DOT1L: variants seen among roughly 807,000 people sequenced by gnomAD.
DOT1L encodes the protein histone-lysine N-methyltransferase, H3 lysine-79 specific.
Under a neutral mutation model 153.3 loss-of-function variants are expected in DOT1L, and 33 were observed. That is an observed-to-expected ratio of 0.22 (90% CI 0.16 to 0.29). The LOEUF is 0.29. DOT1L is among the 10% of genes least tolerant of loss of function. The probability of loss-of-function intolerance (pLI) is 1.00; values close to 1 mark genes in which losing one functional copy is unlikely to be tolerated. For synonymous variants in DOT1L, 1,135 were observed against 965.1 expected (o/e 1.18, Z -3.26); for missense variants, 1,847 against 2,119.9 (o/e 0.87, Z 2.53).
chr19:2,226,383 C>T lies in DOT1L; in HGVS notation c.3862C>T (p.Leu1288=), dbSNP rs1239609244. ...ALEEPSADAK[L]AAHPRKGFPG... ...GGAGGAGCCCTCTGCCGATGCCAAG[C>T]TGGCCGCTCACCCCAGGAAAGGCTT... Residue 1288 remains leucine, a synonymous_variant, in exon 27 of 28, where the codon CTG becomes TTG. Coordinates refer to ENST00000398665, the MANE Select transcript of DOT1L (RefSeq NM_032482.3). The T allele has an allele frequency of 3.1e-6, 5 of 1,593,162 alleles. No homozygotes were observed. In the Admixed American group the frequency reaches 5.1e-5, roughly 16 times the overall value.
At position 2,164,189 on chromosome 19, in the gene DOT1L, G is replaced by T; in HGVS notation, c.5G>T (p.Gly2Val). 1 of 1,257,318 alleles carries T rather than the reference G, an allele frequency of 8.0e-7. No individual in the cohort carries two copies. 77.9% of individuals were successfully genotyped at this position (1,257,318 alleles called of 1,614,324 possible). M[G>V]EKLELRLKSP... ...GCGGCGGCCGCGCGCGCGGACATGG[G>T]GGAGAAGCTGGAGCTGAGACTGAAG... Residue 2 changes from glycine to valine, a missense_variant, in exon 1 of 28, where the codon GGG becomes GTG. Physicochemically the swap from Gly to Val is moderately radical, Grantham distance 109. Coordinates refer to ENST00000398665, the MANE Select transcript of DOT1L (RefSeq NM_032482.3).
chr19:2,215,863 G>A (rs1165455830), intron 19 of DOT1L: 1 of 162,236 alleles, frequency 6.2e-6, no homozygotes, highest in African/African-American at 2.4e-5. Flanking sequence ...TTAAAAGAAA[G>A]GAAAGCAGGT....
rs2144913139 is a variant in DOT1L, at chr19:2,223,449, G to A, written c.3559G>A (p.Glu1187Lys). The A allele has an allele frequency of 2.5e-6, 4 of 1,612,956 alleles. No homozygotes were observed. Among genetic ancestry groups the A allele is most frequent in the South Asian group, 1.1e-5 (1 of 91,066 alleles). Residue 1187 changes from glutamate to lysine, a missense_variant, in exon 25 of 28, where the codon GAG (glutamate) becomes AAG (lysine). This residue lies in a region of DOT1L where 934 missense variants were observed against 825.3 expected (regional missense o/e 1.13). Coordinates refer to ENST00000398665, the MANE Select transcript of DOT1L (RefSeq NM_032482.3). ...GAHYSPLTSDEEPGSEDEPSS... is the reference protein window; with the variant it reads ...GAHYSPLTSDKEPGSEDEPSS... Reference sequence around the variant, plus strand: ...ACACTACTCCCCACTCACCTCAGACGAGGAGCCAGGCTCTGAGGACGAGCC... The same window carrying A: ...ACACTACTCCCCACTCACCTCAGACAAGGAGCCAGGCTCTGAGGACGAGCC...
At position 2,167,023 on chromosome 19, in the gene DOT1L, A is replaced by G. The variant is rs115147517; in HGVS notation, c.81+2758A>G. On this transcript the variant is annotated intron_variant, in intron 1 of 27. Transcript: ENST00000398665. ...CAAATCCGTGTTGCTGCAGGTTTCA[A>G]AAGTTACCCCATTTTTTTGCTGACT... 2.1e-3 allele frequency among the ~76,000 whole-genome samples: 322 copies of G among 152,246 alleles called. 3 individuals carry two copies. Among genetic ancestry groups the G allele is most frequent in the African/African-American group, 7.4e-3 (308 of 41,552 alleles).
intron 12 of DOT1L, among the ~76,000 whole-genome samples, chr19:2,210,125 C>T (rs2023655726): frequency 6.6e-6 from 1 of 152,184 alleles, no homozygotes; most frequent in African/African-American, 2.4e-5. Flanking sequence ...TTCTCTGTGG[C>T]TCACAGTCTG....
chr19:2,199,098 GA>G (rs1359348202), intron 7 of DOT1L, among the ~76,000 whole-genome samples: 1 of 152,224 alleles, frequency 6.6e-6, no homozygotes, highest in Non-Finnish European at 1.5e-5. Flanking sequence ...TGAAGGATTT[GA>G]AAGGCGGTGT....
intron 1 of DOT1L, among the ~76,000 whole-genome samples, chr19:2,168,927 C>G (rs2020026472): frequency 6.6e-6 from 1 of 152,132 alleles, no homozygotes; most frequent in East Asian, 1.9e-4. Context: ...CGTGGTATTT[C>G]TAGGGCAGGA....
At chr19:2,187,026 G>C (rs1050585114) in intron 3 of DOT1L, among the ~76,000 whole-genome samples, 16 of 152,234 alleles carry the variant, frequency 1.1e-4, no homozygotes, top group African/African-American at 3.6e-4. Context: ...TGTGCTTTCG[G>C]GTTTTCACGG....
At chr19:2,185,768 CAAAACAAAAACA>C (rs543274400) in intron 2 of DOT1L, 75 bp from the exon 3 acceptor site, 31 of 1,490,378 alleles carry the variant, frequency 2.1e-5, no homozygotes, top group East Asian at 1.1e-4. Context: ...GACTCCGTCT[CAAAACAAAAACA>C]AAAACAAAAA....
At chr19:2,205,647 G>A (rs2023462530) in intron 9 of DOT1L, among the ~76,000 whole-genome samples, 1 of 152,130 alleles carries the variant, frequency 6.6e-6, no homozygotes, top group African/African-American at 2.4e-5. Flanking sequence ...GTTCCTGCTT[G>A]TGTACGGCTT....
At chr19:2,174,665 G>A (rs564084097) in intron 1 of DOT1L, among the ~76,000 whole-genome samples, 8 of 152,102 alleles carry the variant, frequency 5.3e-5, no homozygotes, top group African/African-American at 1.9e-4. Flanking sequence ...GTTCACCCAG[G>A]CTGGAGTGCA....
intron 22 of DOT1L, 143 bp from the exon 23 acceptor site, chr19:2,219,965 G>T: frequency 1.5e-6 from 1 of 681,682 alleles, no homozygotes; most frequent in Non-Finnish European, 2.4e-6. Context: ...TTCCCCCGCT[G>T]CCCTCTTCCC....
chr19:2,222,169 C>G lies in DOT1L; in HGVS notation c.3000C>G (p.Ala1000=). ...CACAGCCCCGGAACTCGCTTCCTGC[C>G]TCTCCCGCCCACCAGCTCTCCTCCA... ...LLAQPRNSLP[A]SPAHQLSSSP... The change falls in exon 24 of 28, where the codon GCC becomes GCG. Residue 1000 remains alanine (A), a synonymous_variant. Transcript: ENST00000398665. This position sits in a 1 kb window ranked among gnomAD's most constrained non-coding sequence, Gnocchi z 6.5. 1.9e-6 allele frequency: 3 copies of G among 1,613,134 alleles called. No individual in the cohort carries two copies. The highest frequency in any genetic ancestry group is 2.5e-6 in the Non-Finnish European group (3 of 1,179,864).
chr19:2,226,742 C>G lies in DOT1L; in HGVS notation c.4221C>G (p.Ser1407Arg). ...CGPTDKTPLL[S>R]GKAAKARDRE... ...CCACGGACAAGACCCCACTGCTGAGCGGCAAGGCCGCCAAGGCCCGGGACC... is the reference window on the plus strand; with the variant it reads ...CCACGGACAAGACCCCACTGCTGAGGGGCAAGGCCGCCAAGGCCCGGGACC... The change falls in exon 27 of 28, where the codon AGC becomes AGG. Residue 1407 changes from serine to arginine, a missense_variant. This residue lies in a region of DOT1L where 934 missense variants were observed against 825.3 expected (regional missense o/e 1.13). Coordinates refer to ENST00000398665, the MANE Select transcript of DOT1L (RefSeq NM_032482.3). The G allele has an allele frequency of 2.6e-6, 4 of 1,556,550 alleles. No individual in the cohort carries two copies. Among genetic ancestry groups the G allele is most frequent in the Non-Finnish European group, 2.6e-6 (3 of 1,157,804 alleles).
In DOT1L at chr19:2,217,105, C is replaced by G; in HGVS notation, c.2544+15C>G. On this transcript the variant is annotated intron_variant, in intron 21 of 27. Transcript: ENST00000398665. This position sits in a 1 kb window ranked among gnomAD's most constrained non-coding sequence, Gnocchi z 7.3. Reference sequence around the variant, plus strand: ...GCAGTGAGAAGGTGCGGGCCGCGACCCCTGCCCCGGGCTCAGGGAGGTGCT... The same window carrying G: ...GCAGTGAGAAGGTGCGGGCCGCGACGCCTGCCCCGGGCTCAGGGAGGTGCT... The G allele has an allele frequency of 6.3e-7, 1 of 1,576,774 alleles. No homozygotes were observed. The highest frequency in any genetic ancestry group is 2.3e-5 in the East Asian group (1 of 44,152).
At chr19:2,174,994 G>GTGTA (rs764261033) in intron 1 of DOT1L, among the ~76,000 whole-genome samples, 146 of 80,502 alleles carry the variant, frequency 1.8e-3, no homozygotes, top group Non-Finnish European at 2.3e-3. Context: ...GTGTGTGTGT[G>GTGTA]TATATATATA....
chr19:2,213,222 T>C, intron 16 of DOT1L: 1 of 274,644 alleles, frequency 3.6e-6, no homozygotes, highest in South Asian at 5.1e-5. Context: ...CATCCCCTGG[T>C]ATTGCCTTGG....
Position 2,186,921 on chromosome 19 carries a change from C to T in DOT1L, c.200+992C>T, listed in dbSNP as rs576233853. Among the ~76,000 whole-genome samples the T allele has an allele frequency of 4.4e-4, 67 of 152,312 alleles. 1 individual carries two copies. The highest frequency in any genetic ancestry group is 1.4e-3 in the African/African-American group (60 of 41,572). On this transcript the variant is annotated intron_variant, in intron 3 of 27. Transcript: ENST00000398665. The stretch of plus-strand genomic sequence containing the variant: ...GTGATGCAGCGTGCAGATCAACAGC[C>T]GCATGGCAGGGTCCACAGGGAGGGG...
chr19:2,217,161 A>G lies in DOT1L; in HGVS notation c.2544+71A>G, dbSNP rs147472663. 36 of 1,485,760 alleles carry G rather than the reference A, an allele frequency of 2.4e-5. No homozygotes were observed. In the East Asian group the frequency reaches 7.6e-4, roughly 31 times the overall value. The allele number at this position is 1,485,760 out of a possible 1,614,324, so 92.0% of individuals were successfully genotyped here. On this transcript the variant is annotated intron_variant, in intron 21 of 27. Transcript: ENST00000398665. This position sits in a 1 kb window ranked among gnomAD's most constrained non-coding sequence, Gnocchi z 7.3. ...GAGGCGGCCTGAGCGAGTTGCTAGC[A>G]GGAGGGCTTGTCCTAGTTGACCTTG...
Sources: allele counts gnomAD v4.1 joint callset (sites outside exome capture counted in the v4.1 genomes callset), GRCh38; gene constraint gnomAD v4.1.1; regional missense constraint gnomAD v4.1.1; non-coding constraint Gnocchi (gnomAD v3.1); transcripts MANE v1.5; gene names NCBI Gene and HGNC (gene_info 2026-07-23, HGNC 2026-07-21).